Variants in P2RX3 observed in about 807,000 individuals in gnomAD.
P2RX3 encodes the protein P2X purinoceptor 3.
P2RX3 carries 41 observed loss-of-function variants against 51.5 expected under a neutral mutation model. The observed-to-expected ratio is 0.80, with a 90% CI of 0.62 to 1.03. The LOEUF (loss-of-function observed/expected upper bound fraction) is 1.03. P2RX3 is among the 50% of genes least tolerant of loss of function. The pLI is 0.00. For missense variants in P2RX3, 459 were observed against 522.1 expected (o/e 0.88, Z 1.18); for synonymous variants, 185 against 191.6 (o/e 0.97, Z 0.29).
chr11:57,364,439 A>C (rs1399141414), intron 8 of P2RX3, among the ~76,000 whole-genome samples: 1 of 152,134 alleles, frequency 6.6e-6, no homozygotes, highest in Non-Finnish European at 1.5e-5. Context: ...CTGTACAATG[A>C]CTCAACAACA....
chr11:57,349,915 T>G lies in P2RX3; in HGVS notation c.705+17T>G, dbSNP rs748516792. The G allele has an allele frequency of 4.3e-6, 7 of 1,613,700 alleles. No homozygotes were observed. The South Asian group carries it at 7.7e-5, about 18-fold the overall frequency. On this transcript the variant is annotated intron_variant, in intron 7 of 11. Coordinates refer to ENST00000263314, the MANE Select transcript of P2RX3 (RefSeq NM_002559.5). Reference sequence around the variant, plus strand: ...GCGCGCACGGTGAGGACCTAGCCATTCTTCCGCGACCCCAAACTCCCCACC... The same window carrying G: ...GCGCGCACGGTGAGGACCTAGCCATGCTTCCGCGACCCCAAACTCCCCACC...
At chr11:57,348,427 C>A in intron 5 of P2RX3, 164 bp downstream of exon 5, 1 of 737,546 alleles carries the variant, frequency 1.4e-6, no homozygotes, top group Non-Finnish European at 2.2e-6. Context: ...TCATCTTCCC[C>A]AGCCCACCCA....
At chr11:57,367,822 A>C (rs1051691553) in intron 8 of P2RX3, among the ~76,000 whole-genome samples, 187 bp from the exon 9 acceptor site, 2 of 152,182 alleles carry the variant, frequency 1.3e-5, no homozygotes, top group Admixed American at 1.3e-4. Context: ...TTTTATAACA[A>C]GCCCCCAAGA....
At chr11:57,348,313 CT>C in intron 5 of P2RX3, 50 bp downstream of exon 5, 2 of 1,495,764 alleles carry the variant, frequency 1.3e-6, no homozygotes, top group Non-Finnish European at 9.1e-7. Context: ...CTCAGCTCCC[CT>C]TTGCCCATGT....
In P2RX3 at chr11:57,349,981, T is replaced by G. The variant is rs1004621696; in HGVS notation, c.705+83T>G. The G allele has an allele frequency of 7.7e-6, 12 of 1,559,916 alleles. No individual in the cohort carries two copies. The East Asian group carries it at 2.8e-4, about 36-fold the overall frequency. ...GATTTCAGGGCCCTTTGGCCGGCAC[T>G]GGCCAGGAGCCGCCGCGAGACAGCG... On this transcript the variant is annotated intron_variant, in intron 7 of 11. Transcript: ENST00000263314.
chr11:57,353,294 T>C (rs1398004029), intron 8 of P2RX3, among the ~76,000 whole-genome samples: 1 of 152,184 alleles, frequency 6.6e-6, no homozygotes, highest in Non-Finnish European at 1.5e-5. Context: ...TGCAAAACGT[T>C]TTGTGTGCTT....
intron 8 of P2RX3, among the ~76,000 whole-genome samples, chr11:57,362,324 A>G (rs1856732999): frequency 6.6e-6 from 1 of 152,218 alleles, no homozygotes; most frequent in Admixed American, 6.5e-5. Context: ...GAGTCAAGGT[A>G]TCGAATGGTC....
At chr11:57,366,618 C>T (rs1040954930) in intron 8 of P2RX3, among the ~76,000 whole-genome samples, 1 of 152,146 alleles carries the variant, frequency 6.6e-6, no homozygotes, top group African/African-American at 2.4e-5. Context: ...GTCCGCTTTC[C>T]GTTGCTTCTA....
Position 57,350,785 on chromosome 11 carries a change from C to T in P2RX3, c.729C>T (p.Ile243=). 6.2e-7 allele frequency: 1 copy of T among 1,611,982 alleles called. No individual in the cohort carries two copies. The highest frequency in any genetic ancestry group is 8.5e-7 in the Non-Finnish European group (1 of 1,178,938). The part of the protein sequence containing the change: ...ARTGGVLGIK[I]GWVCDLDKAW... The stretch of plus-strand genomic sequence containing the variant: ...AGGGGGGAGTTCTGGGCATTAAGAT[C>T]GGCTGGGTGTGCGACTTGGACAAGG... Residue 243 remains isoleucine (I), a synonymous_variant, in exon 8 of 12, where the codon ATC becomes ATT. Transcript: ENST00000263314.
At chr11:57,366,405 T>C (rs1192380141) in intron 8 of P2RX3, among the ~76,000 whole-genome samples, 2 of 152,122 alleles carry the variant, frequency 1.3e-5, no homozygotes, top group African/African-American at 4.8e-5. Context: ...GGGATCATTT[T>C]CCTGAGTCCC....
intron 8 of P2RX3, 98 bp downstream of exon 8, chr11:57,350,996 C>A (rs1240088017): frequency 2.5e-5 from 39 of 1,545,084 alleles, no homozygotes; most frequent in Non-Finnish European, 3.3e-5. Flanking sequence ...TCCACCCACC[C>A]CTGGCCCCAA....
chr11:57,348,710 T>A lies in P2RX3; in HGVS notation c.563+6T>A. The A allele has an allele frequency of 6.2e-7, 1 of 1,608,884 alleles. No individual in the cohort carries two copies. Among genetic ancestry groups the A allele is most frequent in the Non-Finnish European group, 8.5e-7 (1 of 1,176,534 alleles). ...CCCCTCTTCAACTTTGAGAAGTGAG[T>A]CCCCACTCCTTCCCTAAAGCCAAGA... On this transcript the variant is annotated splice_donor_region_variant and intron_variant, in intron 6 of 11. Coordinates refer to ENST00000263314, the MANE Select transcript of P2RX3 (RefSeq NM_002559.5).
At chr11:57,351,564 C>G (rs551819994) in intron 8 of P2RX3, among the ~76,000 whole-genome samples, 1 of 152,170 alleles carries the variant, frequency 6.6e-6, no homozygotes, top group African/African-American at 2.4e-5. Context: ...CAACTGAAAG[C>G]GCTTGAACAA....
At chr11:57,362,088 G>A (rs536158225) in intron 8 of P2RX3, among the ~76,000 whole-genome samples, 11 of 152,214 alleles carry the variant, frequency 7.2e-5, no homozygotes, top group Non-Finnish European at 1.3e-4. Flanking sequence ...GTTGAATGCT[G>A]AAAGAACAAG....
At chr11:57,349,266 G>C (rs1414483338) in intron 6 of P2RX3, among the ~76,000 whole-genome samples, 1 of 149,562 alleles carries the variant, frequency 6.7e-6, no homozygotes, top group East Asian at 2.0e-4. Flanking sequence ...TTTGCGACCA[G>C]CCTGGCCAAC....
intron 8 of P2RX3, among the ~76,000 whole-genome samples, chr11:57,353,356 C>A (rs994356025): frequency 2.0e-5 from 3 of 152,158 alleles, no homozygotes; most frequent in Non-Finnish European, 4.4e-5. Flanking sequence ...AATATCCCCC[C>A]CAACTTTATA....
chr11:57,364,433 A>G (rs1856767338), intron 8 of P2RX3, among the ~76,000 whole-genome samples: 1 of 152,238 alleles, frequency 6.6e-6, no homozygotes, highest in Admixed American at 6.5e-5. Flanking sequence ...CCTCATCTGT[A>G]CAATGACTCA....
At chr11:57,345,178 C>T (rs945549275) in intron 1 of P2RX3, among the ~76,000 whole-genome samples, 26 of 152,228 alleles carry the variant, frequency 1.7e-4, no homozygotes, top group East Asian at 1.9e-4. Context: ...CTAACTCCTA[C>T]GGCTTTGTCT....
chr11:57,370,633 G>A lies in P2RX3; in HGVS notation c.*636G>A, dbSNP rs563939070. On this transcript the variant is annotated 3_prime_UTR_variant, in exon 12 of 12. Coordinates refer to ENST00000263314, the MANE Select transcript of P2RX3 (RefSeq NM_002559.5). ...TCCCAGCAACAAAGTTTGCATTTTA[G>A]GGAGACTGGTTAGACAGTGGTGAGG... 1 of 152,366 alleles carries A rather than the reference G, an allele frequency of 6.6e-6. No homozygotes were observed. Among genetic ancestry groups the A allele is most frequent in the African/African-American group, 2.4e-5 (1 of 41,572 alleles). 9.4% of individuals were successfully genotyped at this position (152,366 alleles called of 1,614,324 possible).
Sources: allele counts gnomAD v4.1 joint callset (sites outside exome capture counted in the v4.1 genomes callset), GRCh38; gene constraint gnomAD v4.1.1; transcripts MANE v1.5; gene names NCBI Gene and HGNC (gene_info 2026-07-23, HGNC 2026-07-21).